The following LAMB1 variants were observed in gnomAD, a reference collection of about 807,000 sequenced individuals.
LAMB1 encodes laminin subunit beta 1, also known as laminin subunit beta-1.
LAMB1 carries 121 observed loss-of-function variants against 222.3 expected under a neutral mutation model. The observed-to-expected ratio is 0.54, with a 90% CI of 0.47 to 0.63. The LOEUF (loss-of-function observed/expected upper bound fraction) is 0.63. LAMB1 is among the 30% of genes least tolerant of loss of function. The probability of loss-of-function intolerance (pLI) is 0.00; values close to 1 mark genes in which losing one functional copy is unlikely to be tolerated. For missense variants in LAMB1, 2,172 were observed against 2,240.8 expected, an observed-to-expected ratio of 0.97 and a Z score of 0.62; for synonymous variants, 794 against 807.2, an observed-to-expected ratio of 0.98 and a Z score of 0.28.
intron 24 of LAMB1, among the ~76,000 whole-genome samples, chr7:107,947,074 T>C (rs1452521864): frequency 6.6e-6 from 1 of 152,192 alleles, no homozygotes; most frequent in African/African-American, 2.4e-5. Context: ...TCCAGGCTGT[T>C]TTCTCCAGCA....
intron 19 of LAMB1, 87 bp downstream of exon 19, chr7:107,959,604 G>C (rs762657576): frequency 6.2e-7 from 1 of 1,612,656 alleles, no homozygotes; most frequent in Non-Finnish European, 8.5e-7. Context: ...CTTCAGGAGG[G>C]AAGCATCGGC....
intron 26 of LAMB1, among the ~76,000 whole-genome samples, chr7:107,935,946 G>C (rs1309592252): frequency 6.6e-6 from 1 of 152,106 alleles, no homozygotes; most frequent in Non-Finnish European, 1.5e-5. Context: ...TAAATAGCTG[G>C]TTTCAGGCAG....
chr7:107,937,144 CA>C lies in LAMB1; in HGVS notation c.3894del (p.Val1299Ter). ...LQTEAESLDN[T>X]VKELAEQLEF... ...TCCAGTTGTTCAGCAAGTTCTTTCA[CA>C]GTGTTGTCTAGGCTTTCGGCTTCTG... On this transcript the variant is annotated frameshift_variant, in exon 26 of 34. Transcript: ENST00000222399. LOFTEE classifies it high-confidence loss of function. The C allele has an allele frequency of 6.2e-7, 1 of 1,614,010 alleles. No individual in the cohort carries two copies. Among genetic ancestry groups the C allele is most frequent in the African/African-American group, 1.3e-5 (1 of 75,036 alleles).
Position 107,975,953 on chromosome 7 carries a change from C to T in LAMB1, c.1001-76G>A, listed in dbSNP as rs189402946. On this transcript the variant is annotated intron_variant, in intron 9 of 33. Transcript: ENST00000222399. ...TGGAGGATGGGGGTGGCAGGAAGAT[C>T]CTTTAGGAAACCAGGGACTAAGTTC... The T allele has an allele frequency of 2.5e-4, 329 of 1,318,032 alleles. No individual in the cohort carries two copies. The African/African-American group carries it at 4.0e-3, about 16-fold the overall frequency. The allele number at this position is 1,318,032 out of a possible 1,614,324, so 81.6% of individuals were successfully genotyped here.
intron 13 of LAMB1, among the ~76,000 whole-genome samples, chr7:107,967,563 G>A (rs369047487): frequency 3.3e-5 from 5 of 152,036 alleles, no homozygotes; most frequent in African/African-American, 1.2e-4. Flanking sequence ...TTCTGGTGCC[G>A]ACTCTTTGCT....
chr7:107,931,430 G>A lies in LAMB1; in HGVS notation c.4463C>T (p.Ala1488Val), dbSNP rs150279683. The change falls in exon 29 of 34, where the codon GCT becomes GTT. Residue 1488 changes from alanine (A) to valine (V), a missense_variant. By Grantham distance (64) the Ala-to-Val change is moderately conservative. Transcript: ENST00000222399. The stretch of plus-strand genomic sequence containing the variant: ...GCTCTTGTCCATTTTTTCTTTGGTA[G>A]CATTTGTCTTCAACAGAATGTCTTC... ...SAEDILLKTN[A>V]TKEKMDKSNE... The A allele has an allele frequency of 1.2e-6, 2 of 1,613,502 alleles. No individual in the cohort carries two copies. Among genetic ancestry groups the A allele is most frequent in the East Asian group, 2.2e-5 (1 of 44,842 alleles).
intron 31 of LAMB1, 28 bp downstream of exon 31, chr7:107,929,036 C>T: frequency 4.4e-6 from 7 of 1,607,200 alleles, no homozygotes; most frequent in Non-Finnish European, 3.4e-6. Context: ...GGTGTGTTCC[C>T]ATTCATGTAA....
At chr7:107,984,165 T>A (rs1378771668) in intron 7 of LAMB1, among the ~76,000 whole-genome samples, 1 of 152,196 alleles carries the variant, frequency 6.6e-6, no homozygotes, top group Non-Finnish European at 1.5e-5. Flanking sequence ...TAGAGATGTT[T>A]CCCAGTGTCT....
chr7:107,929,531 G>A lies in LAMB1; in HGVS notation c.4626C>T (p.Asn1542=). Residue 1542 remains asparagine (N), a synonymous_variant, in exon 30 of 34, where the codon AAC becomes AAT. Transcript: ENST00000222399. The part of the protein sequence containing the change: ...EMPSTPQQLQ[N]LTEDIRERVE... Reference sequence around the variant, plus strand: ...CTCGTTCACGTATATCTTCTGTCAAGTTCTGTAACTGCTGTGGGGTGCTAG... The same window carrying A: ...CTCGTTCACGTATATCTTCTGTCAAATTCTGTAACTGCTGTGGGGTGCTAG... 1 of 1,614,074 alleles carries A rather than the reference G, an allele frequency of 6.2e-7. No individual in the cohort carries two copies.
At chr7:107,964,507 C>T (rs375350821) in intron 14 of LAMB1, 45 bp downstream of exon 14, 62 of 1,612,108 alleles carry the variant, frequency 3.8e-5, no homozygotes, top group African/African-American at 1.1e-4. Context: ...TCCACTACAC[C>T]CCAAAACACT....
chr7:107,979,150 C>T (rs1178713999), intron 8 of LAMB1, among the ~76,000 whole-genome samples: 1 of 152,214 alleles, frequency 6.6e-6, no homozygotes, highest in Non-Finnish European at 1.5e-5. Context: ...ACATTAGCTA[C>T]ACAGCTGATT....
intron 7 of LAMB1, 71 bp from the exon 8 acceptor site, chr7:107,980,882 C>G: frequency 1.1e-6 from 1 of 907,610 alleles, no homozygotes; most frequent in Non-Finnish European, 1.7e-6. Flanking sequence ...TTCCTTGCAT[C>G]ATTTCTTTTT....
intron 14 of LAMB1, among the ~76,000 whole-genome samples, chr7:107,963,906 C>G (rs968768013): frequency 6.6e-6 from 1 of 152,228 alleles, no homozygotes; most frequent in African/African-American, 2.4e-5. Flanking sequence ...CGAGACCAGC[C>G]TGACCAACAT....
chr7:107,952,060 A>G lies in LAMB1; in HGVS notation c.3243T>C (p.Cys1081=), dbSNP rs2033263231. The G allele has an allele frequency of 1.9e-6, 3 of 1,613,956 alleles. No individual in the cohort carries two copies. The highest frequency in any genetic ancestry group is 2.5e-6 in the Non-Finnish European group (3 of 1,180,000). ...NTWQLASGTG[C]DPCNCNAAHS... ...GAGCAGCATTGCAGTTGCATGGGTC[A>G]CAGCCAGTGCCACTGGCCAGCTGCC... is the stretch of plus-strand genomic sequence containing the variant. The change falls in exon 23 of 34, where the codon TGT becomes TGC. Residue 1081 remains cysteine, a synonymous_variant. Transcript: ENST00000222399.
chr7:107,928,303 T>G (rs1164440674), intron 31 of LAMB1, among the ~76,000 whole-genome samples: 1 of 152,190 alleles, frequency 6.6e-6, no homozygotes, highest in Non-Finnish European at 1.5e-5. Flanking sequence ...TCTCTAGAAT[T>G]GGGTATTGAA....
intron 32 of LAMB1, 31 bp from the exon 33 acceptor site, chr7:107,924,420 G>A: frequency 5.2e-6 from 8 of 1,542,398 alleles, no homozygotes; most frequent in East Asian, 2.3e-5. Context: ...AGAAAGAAGT[G>A]GTAATGTTAG....
chr7:107,988,256 G>A (rs1440470547), intron 5 of LAMB1, among the ~76,000 whole-genome samples: 1 of 152,206 alleles, frequency 6.6e-6, no homozygotes, highest in African/African-American at 2.4e-5. Context: ...TGACGACAAC[G>A]TGGAAGAGGC....
chr7:107,974,357 GTT>G (rs111955403), intron 12 of LAMB1, among the ~76,000 whole-genome samples: 1 of 144,832 alleles, frequency 6.9e-6, no homozygotes. Context: ...TCCTGTGTGT[GTT>G]TTTTTTTTTA....
intron 24 of LAMB1, chr7:107,951,010 T>TATGC (rs2033234077): frequency 4.3e-6 from 2 of 469,240 alleles, no homozygotes; most frequent in Admixed American, 7.4e-5. Flanking sequence ...GCCGGGAGAG[T>TATGC]ATGCACATCC....
Sources: gnomAD v4.1 joint callset for allele counts (sites outside exome capture counted in the v4.1 genomes callset) on GRCh38, gnomAD v4.1.1 for gene constraint, MANE v1.5 for transcripts, NCBI Gene and HGNC (gene_info 2026-07-23, HGNC 2026-07-21) for gene names.